The following HS3ST4 variants were observed in gnomAD, a reference collection of about 807,000 sequenced individuals.
The protein encoded by HS3ST4 is heparan sulfate glucosamine 3-O-sulfotransferase 4.
HS3ST4 carries 17 observed loss-of-function variants against 29.2 expected under a neutral mutation model. That is an observed-to-expected ratio of 0.58 (90% CI 0.40 to 0.87). The LOEUF is 0.87. HS3ST4 is among the 40% of genes least tolerant of loss of function. The pLI, the probability that HS3ST4 is intolerant of heterozygous loss-of-function variation, is 0.00. For missense variants in HS3ST4, 627 were observed against 634.5 expected (o/e 0.99, Z 0.13); for synonymous variants, 314 against 285.7 (o/e 1.10, Z -1.00).
At chr16:26,118,576 C>T (rs972178110) in intron 1 of HS3ST4, among the ~76,000 whole-genome samples, 1 of 152,126 alleles carries the variant, frequency 6.6e-6, no homozygotes, top group African/African-American at 2.4e-5. Context: ...ACATTGAATC[C>T]TTAATTTTAT....
chr16:25,850,807 C>T (rs1035325061), intron 1 of HS3ST4, among the ~76,000 whole-genome samples: 11 of 152,048 alleles, frequency 7.2e-5, no homozygotes, highest in South Asian at 2.1e-4. Context: ...TTTACTAGGT[C>T]GTTGTGTCTG....
chr16:26,106,284 G>A (rs564389500), intron 1 of HS3ST4, among the ~76,000 whole-genome samples: 19 of 152,286 alleles, frequency 1.2e-4, no homozygotes, highest in South Asian at 6.2e-4. Flanking sequence ...TCACAAGACC[G>A]TCATCCTGGC....
intron 1 of HS3ST4, among the ~76,000 whole-genome samples, chr16:25,877,737 G>GTT (rs5816330): frequency 6.6e-6 from 1 of 152,024 alleles, no homozygotes; most frequent in African/African-American, 2.4e-5. Flanking sequence ...CCAGTTTGTG[G>GTT]TTTTTTGCTG....
intron 1 of HS3ST4, among the ~76,000 whole-genome samples, chr16:25,910,790 C>T (rs1329205330): frequency 6.6e-6 from 1 of 152,140 alleles, no homozygotes; most frequent in Non-Finnish European, 1.5e-5. Flanking sequence ...GGTTGTCATT[C>T]TCCATCCTGT....
Position 25,877,482 on chromosome 16 carries a change from C to A in HS3ST4, c.734+184331C>A, listed in dbSNP as rs140950372. Among the ~76,000 whole-genome samples the A allele has an allele frequency of 2.8e-3, 430 of 152,278 alleles. 1 individual carries two copies. The highest frequency in any genetic ancestry group is 0.01 in the African/African-American group (419 of 41,556). The stretch of plus-strand genomic sequence containing the variant: ...AACCACCAGAGGTGTCATTCAAAAT[C>A]TCCATTACCTCTCTGGTTATATTTG... On this transcript the variant is annotated intron_variant, in intron 1 of 1. Transcript: ENST00000331351.
intron 1 of HS3ST4, among the ~76,000 whole-genome samples, chr16:25,929,588 T>C (rs1303007971): frequency 6.6e-6 from 1 of 152,006 alleles, no homozygotes; most frequent in African/African-American, 2.4e-5. Context: ...AATTGGTCTG[T>C]CTCTGAGACC....
intron 1 of HS3ST4, among the ~76,000 whole-genome samples, chr16:26,070,188 T>C (rs1898586216): frequency 6.6e-6 from 1 of 152,188 alleles, no homozygotes; most frequent in Non-Finnish European, 1.5e-5. Context: ...GTAAAAGTGT[T>C]CCTATTTCTC....
chr16:26,079,042 G>GCT (rs1898697193), intron 1 of HS3ST4, among the ~76,000 whole-genome samples: 1 of 152,186 alleles, frequency 6.6e-6, no homozygotes, highest in Non-Finnish European at 1.5e-5. Flanking sequence ...AAAAGAAGGG[G>GCT]CTCTTCCCAG....
intron 1 of HS3ST4, among the ~76,000 whole-genome samples, chr16:25,728,977 G>A: frequency 6.6e-6 from 1 of 152,114 alleles, no homozygotes; most frequent in East Asian, 1.9e-4. Flanking sequence ...CAGCTACTTG[G>A]GAGGCTGAGG....
At chr16:26,078,352 G>A (rs1297189305) in intron 1 of HS3ST4, among the ~76,000 whole-genome samples, 3 of 152,104 alleles carry the variant, frequency 2.0e-5, no homozygotes, top group Non-Finnish European at 4.4e-5. Context: ...GTTTTACCAT[G>A]TTAGCCAGGA....
rs544304711 is a variant in HS3ST4, at chr16:25,965,238, C to T, written c.735-170374C>T. Among the ~76,000 whole-genome samples, 7 of 151,990 alleles carry T rather than the reference C, an allele frequency of 4.6e-5. No individual in the cohort carries two copies. In the East Asian group the frequency reaches 5.8e-4, roughly 13 times the overall value. The stretch of plus-strand genomic sequence containing the variant: ...TGAGTGGAACATTGGCCTCAGCATT[C>T]GGGATCCTTGGTAAGGCAAGTCCAC... On this transcript the variant is annotated intron_variant, in intron 1 of 1. Coordinates refer to ENST00000331351, the MANE Select transcript of HS3ST4 (RefSeq NM_006040.3).
chr16:26,098,582 C>T (rs1898955578), intron 1 of HS3ST4, among the ~76,000 whole-genome samples: 1 of 151,980 alleles, frequency 6.6e-6, no homozygotes, highest in Non-Finnish European at 1.5e-5. Flanking sequence ...CAGGGCCTGT[C>T]AGGGGGTGGC....
In HS3ST4 at chr16:25,692,853, C is replaced by A; in HGVS notation, c.436C>A (p.Pro146Thr). Reference sequence around the variant, plus strand: ...CGCCTGGCTCCGGACCCCGCTGGCCCCCAGCGAGATGATCACGGCTCAGAG... The same window carrying A: ...CGCCTGGCTCCGGACCCCGCTGGCCACCAGCGAGATGATCACGGCTCAGAG... ...QDAWLRTPLA[P>T]SEMITAQSAL... The change falls in exon 1 of 2, where the codon CCC (proline) becomes ACC (threonine). Residue 146 changes from proline to threonine, a missense_variant. Coordinates refer to ENST00000331351, the MANE Select transcript of HS3ST4 (RefSeq NM_006040.3). The A allele has an allele frequency of 6.8e-7, 1 of 1,473,138 alleles. No individual in the cohort carries two copies. The highest frequency in any genetic ancestry group is 9.0e-7 in the Non-Finnish European group (1 of 1,112,374). The allele number at this position is 1,473,138 out of a possible 1,614,324, so 91.3% of individuals were successfully genotyped here. A position where few individuals can be genotyped will look rare whatever the true frequency, so the allele number is the denominator to read the frequency against.
At chr16:25,697,552 A>G (rs1966306531) in intron 1 of HS3ST4, among the ~76,000 whole-genome samples, 1 of 152,246 alleles carries the variant, frequency 6.6e-6, no homozygotes, top group Non-Finnish European at 1.5e-5. Context: ...AAAATTTAAA[A>G]GTACACTTGT....
chr16:26,064,428 G>A (rs1362793853), intron 1 of HS3ST4, among the ~76,000 whole-genome samples: 2 of 152,104 alleles, frequency 1.3e-5, no homozygotes, highest in Non-Finnish European at 2.9e-5. Flanking sequence ...TGAGCATCGT[G>A]CAGAAGCCAC....
At chr16:25,871,520 A>C (rs1967752628) in intron 1 of HS3ST4, among the ~76,000 whole-genome samples, 1 of 152,162 alleles carries the variant, frequency 6.6e-6, no homozygotes. Context: ...AAATAATAAC[A>C]TATATAGTGC....
intron 1 of HS3ST4, among the ~76,000 whole-genome samples, chr16:25,716,646 A>G (rs2141587459): frequency 6.6e-6 from 1 of 152,336 alleles, no homozygotes; most frequent in South Asian, 2.1e-4. Flanking sequence ...CTTAATTGTA[A>G]TGGATACATC....
At chr16:26,016,642 G>A (rs1357351605) in intron 1 of HS3ST4, among the ~76,000 whole-genome samples, 1 of 152,058 alleles carries the variant, frequency 6.6e-6, no homozygotes, top group East Asian at 1.9e-4. Context: ...GTTTATGGCA[G>A]GGGTACCAGT....
chr16:26,124,635 T>C (rs370907009), intron 1 of HS3ST4, among the ~76,000 whole-genome samples: 15 of 152,318 alleles, frequency 9.8e-5, no homozygotes, highest in African/African-American at 3.6e-4. Flanking sequence ...CTGTGACCCC[T>C]ACACACTCTT....
Sources: allele counts gnomAD v4.1 joint callset (sites outside exome capture counted in the v4.1 genomes callset), GRCh38; gene constraint gnomAD v4.1.1; transcripts MANE v1.5; gene names NCBI Gene and HGNC (gene_info 2026-07-23, HGNC 2026-07-21).